SH3PXD2A: variants seen among roughly 807,000 people sequenced by gnomAD.
SH3PXD2A encodes the protein SH3 and PX domain-containing protein 2A.
SH3PXD2A carries 32 observed loss-of-function variants against 115.2 expected under a neutral mutation model. That is an observed-to-expected ratio of 0.28 (90% CI 0.21 to 0.37). The LOEUF (loss-of-function observed/expected upper bound fraction) is 0.37. Ranked by LOEUF, SH3PXD2A falls within the 10% of genes least tolerant of loss-of-function variation. The pLI, the probability that SH3PXD2A is intolerant of heterozygous loss-of-function variation, is 1.00. For missense variants in SH3PXD2A, 1,328 were observed against 1,498.7 expected (o/e 0.89, Z 1.88); for synonymous variants, 610 against 629.1 (o/e 0.97, Z 0.45).
At chr10:103,610,544 A>T (rs186197240) in intron 13 of SH3PXD2A, among the ~76,000 whole-genome samples, 40 of 152,312 alleles carry the variant, frequency 2.6e-4, no homozygotes, top group Admixed American at 1.1e-3. Flanking sequence ...TTTAAAAACC[A>T]TATTTTTATG....
chr10:103,630,361 T>C (rs2036760363), intron 8 of SH3PXD2A, among the ~76,000 whole-genome samples: 1 of 152,220 alleles, frequency 6.6e-6, no homozygotes, highest in Non-Finnish European at 1.5e-5. Flanking sequence ...AGCAGGGCTT[T>C]CCTGTCTCCC....
At chr10:103,677,887 A>T (rs1409178197) in intron 6 of SH3PXD2A, among the ~76,000 whole-genome samples, 4 of 151,992 alleles carry the variant, frequency 2.6e-5, no homozygotes, top group Non-Finnish European at 5.9e-5. Flanking sequence ...CTGCCCCAGG[A>T]CCCTCTTGAT....
chr10:103,648,439 C>A lies in SH3PXD2A; in HGVS notation c.604+12544G>T, dbSNP rs1228786302. On this transcript the variant is annotated intron_variant, in intron 8 of 14. Transcript: ENST00000369774. ...AGTAATACTTCTGGTTGTAACTGAT[C>A]CCAGCCTGTTTGTGATTACGGGCCC... Among the ~76,000 whole-genome samples, 5 of 152,186 alleles carry A rather than the reference C, an allele frequency of 3.3e-5. No homozygotes were observed. The East Asian group carries it at 9.6e-4, about 29-fold the overall frequency.
At chr10:103,750,991 G>A (rs913445441) in intron 3 of SH3PXD2A, among the ~76,000 whole-genome samples, 2 of 152,274 alleles carry the variant, frequency 1.3e-5, no homozygotes, top group South Asian at 2.1e-4. Flanking sequence ...ACACCACAGC[G>A]GGAAACGGAC....
chr10:103,685,665 A>C (rs1402253459), intron 6 of SH3PXD2A, among the ~76,000 whole-genome samples: 2 of 152,218 alleles, frequency 1.3e-5, no homozygotes, highest in African/African-American at 4.8e-5. Flanking sequence ...TTATCACTTC[A>C]GGAACTTTCA....
intron 3 of SH3PXD2A, among the ~76,000 whole-genome samples, chr10:103,740,619 G>A (rs1175542492): frequency 6.6e-6 from 1 of 152,220 alleles, no homozygotes; most frequent in Non-Finnish European, 1.5e-5. Context: ...AGAGGGCACT[G>A]ATTATAGGAG....
At chr10:103,674,989 G>C (rs1171193491) in intron 6 of SH3PXD2A, among the ~76,000 whole-genome samples, 1 of 152,226 alleles carries the variant, frequency 6.6e-6, no homozygotes, top group East Asian at 1.9e-4. Context: ...TGTGTGAGCT[G>C]CTTCTGATGT....
At chr10:103,629,120 T>C (rs2036740983) in intron 8 of SH3PXD2A, among the ~76,000 whole-genome samples, 1 of 152,214 alleles carries the variant, frequency 6.6e-6, no homozygotes, top group Non-Finnish European at 1.5e-5. Flanking sequence ...TCTCTACCCC[T>C]GAGACCTCCT....
intron 1 of SH3PXD2A, among the ~76,000 whole-genome samples, chr10:103,838,054 C>G (rs894672929): frequency 2.0e-5 from 3 of 152,184 alleles, no homozygotes; most frequent in African/African-American, 7.2e-5. Context: ...GCTGCGGAAA[C>G]TGAGCCCCCA....
At chr10:103,723,254 C>G (rs563006385) in intron 5 of SH3PXD2A, among the ~76,000 whole-genome samples, 75 of 152,306 alleles carry the variant, frequency 4.9e-4, no homozygotes, top group Non-Finnish European at 9.1e-4. Flanking sequence ...CCATCCGGTA[C>G]TTTAAGCTTC....
At chr10:103,799,876 T>C (rs1349930920) in intron 2 of SH3PXD2A, among the ~76,000 whole-genome samples, 1 of 152,136 alleles carries the variant, frequency 6.6e-6, no homozygotes, top group African/African-American at 2.4e-5. Context: ...TTCAATCCCA[T>C]ATTCAATGGG....
chr10:103,622,119 C>T (rs752873083), intron 10 of SH3PXD2A, among the ~76,000 whole-genome samples: 3 of 152,282 alleles, frequency 2.0e-5, no homozygotes, highest in Admixed American at 6.5e-5. Context: ...GGGCTAGACA[C>T]GCTTAGCTCC....
At chr10:103,816,435 T>C (rs890844817) in intron 1 of SH3PXD2A, among the ~76,000 whole-genome samples, 3 of 152,118 alleles carry the variant, frequency 2.0e-5, no homozygotes, top group Non-Finnish European at 2.9e-5. Flanking sequence ...ATTAGGGAAA[T>C]GTAAATCAAA....
intron 1 of SH3PXD2A, among the ~76,000 whole-genome samples, chr10:103,817,307 C>G (rs1347569743): frequency 2.6e-5 from 4 of 152,040 alleles, no homozygotes. Flanking sequence ...CTCCCTCCTC[C>G]ACCCTCCACC....
At chr10:103,664,670 CTT>C (rs34460765) in intron 7 of SH3PXD2A, among the ~76,000 whole-genome samples, 4 of 141,988 alleles carry the variant, frequency 2.8e-5, no homozygotes, top group Non-Finnish European at 4.6e-5. Flanking sequence ...CTTTCTCTCT[CTT>C]TTTTTTTTTT....
At chr10:103,681,981 GCCCTGGGAATCTGTATTTCAATGAGCAGA>G (rs2134107179) in intron 6 of SH3PXD2A, among the ~76,000 whole-genome samples, 1 of 152,308 alleles carries the variant, frequency 6.6e-6, no homozygotes, top group African/African-American at 2.4e-5. Context: ...GTCTGGGCAG[GCCCTGGGAATCTGTATTTCAATGAGCAGA>G]CTCAAGATTC....
rs548414943 is a variant in SH3PXD2A at position 103,661,095 on chromosome 10, C to G, written c.492G>C (p.Glu164Asp). 6.2e-7 allele frequency: 1 copy of G among 1,613,596 alleles called. No individual in the cohort carries two copies. Among genetic ancestry groups the G allele is most frequent in the Non-Finnish European group, 8.5e-7 (1 of 1,179,736 alleles). Residue 164 changes from glutamate (E) to aspartate (D), a missense_variant, in exon 8 of 15, where the codon GAG (glutamate) becomes GAC (aspartate). By Grantham distance (45) the Glu-to-Asp change is conservative. Around this residue, in one of 5 missense-constraint regions of SH3PXD2A, gnomAD observed 90 missense variants for 71.1 expected, o/e 1.27. Transcript: ENST00000369774. Reference protein sequence around the residue: ...KDVTGADATAEPMILEQYVVV... With the variant: ...KDVTGADATADPMILEQYVVV... ...CCACGTACTGTTCCAGGATCATGGGCTCGGCGGTGGCGTCGGCACCTGGCG... is the reference window on the plus strand; with the variant it reads ...CCACGTACTGTTCCAGGATCATGGGGTCGGCGGTGGCGTCGGCACCTGGCG...
At chr10:103,610,190 A>T (rs1391757512) in intron 13 of SH3PXD2A, 1 of 152,440 alleles carries the variant, frequency 6.6e-6, no homozygotes, top group Non-Finnish European at 1.5e-5. Flanking sequence ...ATTGAGTGAG[A>T]ATCTGCCACC....
At chr10:103,852,201 G>T (rs1842902929) in intron 1 of SH3PXD2A, among the ~76,000 whole-genome samples, 1 of 152,164 alleles carries the variant, frequency 6.6e-6, no homozygotes, top group Non-Finnish European at 1.5e-5. Flanking sequence ...CCCAAGCAGG[G>T]GCCTGGCAGA....
Sources: allele counts gnomAD v4.1 joint callset (sites outside exome capture counted in the v4.1 genomes callset), GRCh38; gene constraint gnomAD v4.1.1; regional missense constraint gnomAD v4.1.1; transcripts MANE v1.5; gene names NCBI Gene and HGNC (gene_info 2026-07-23, HGNC 2026-07-21).